Variants in SDCBP observed in about 807,000 individuals in gnomAD.
The protein encoded by SDCBP is syndecan binding protein.
In SDCBP, 22 loss-of-function variants were observed where a neutral mutation model predicts 30.5. That is an observed-to-expected ratio of 0.72 (90% CI 0.52 to 1.03). The LOEUF (loss-of-function observed/expected upper bound fraction) is 1.03, where lower values mean the gene tolerates loss of function less well. Ranked by LOEUF, SDCBP falls within the 50% of genes least tolerant of loss-of-function variation. The pLI is 0.00. For synonymous variants in SDCBP, 103 were observed against 118.7 expected, an observed-to-expected ratio of 0.87 and a Z score of 0.86; for missense variants, 304 against 369.9, an observed-to-expected ratio of 0.82 and a Z score of 1.46.
Position 58,561,730 on chromosome 8 carries a change from A to G in SDCBP, c.-15-3289A>G, listed in dbSNP as rs940612897. The G allele has an allele frequency of 7.3e-6, 5 of 680,668 alleles. 1 individual carries two copies. Among genetic ancestry groups the G allele is most frequent in the South Asian group, 6.3e-5 (4 of 63,218 alleles). 42.2% of individuals were successfully genotyped at this position (680,668 alleles called of 1,614,324 possible). On this transcript the variant is annotated intron_variant, in intron 1 of 8. Coordinates refer to ENST00000260130, the MANE Select transcript of SDCBP (RefSeq NM_005625.4). ...AAATGGAAACAAAAGTATGTTCAAC[A>G]TGAAAGTATAAAATTAAATGATAAA...
Position 58,578,211 on chromosome 8 carries a change from A to C in SDCBP, c.578+3A>C. ...ATTACCATGACCATTCGTGACAGGT[A>C]AGCTGTTACTAAACAGCTCAAATGA... On this transcript the variant is annotated splice_donor_region_variant and intron_variant, in intron 6 of 8. Coordinates refer to ENST00000260130, the MANE Select transcript of SDCBP (RefSeq NM_005625.4). 5.2e-6 allele frequency: 8 copies of C among 1,535,954 alleles called. No homozygotes were observed. The highest frequency in any genetic ancestry group is 7.0e-6 in the Non-Finnish European group (8 of 1,145,592).
chr8:58,580,808 C>T (rs1173012858), intron 8 of SDCBP, among the ~76,000 whole-genome samples, 200 bp downstream of exon 8: 1 of 152,154 alleles, frequency 6.6e-6, no homozygotes, highest in Non-Finnish European at 1.5e-5. Flanking sequence ...ATAAAATTCA[C>T]ATATACTTTC....
intron 2 of SDCBP, among the ~76,000 whole-genome samples, chr8:58,567,597 C>G (rs564217569): frequency 6.6e-6 from 1 of 152,202 alleles, no homozygotes; most frequent in East Asian, 1.9e-4. Flanking sequence ...TGTATAGTGA[C>G]GTGTATATAG....
chr8:58,581,782 T>C lies in SDCBP; in HGVS notation c.*42T>C. On this transcript the variant is annotated 3_prime_UTR_variant, in exon 9 of 9. Coordinates refer to ENST00000260130, the MANE Select transcript of SDCBP (RefSeq NM_005625.4). ...GAAATGTAGCTGAACGTCTCCAGTT[T>C]CCTTCTTTGGCAACTTCTGTATTAT... is the stretch of plus-strand genomic sequence containing the variant. The C allele has an allele frequency of 6.4e-7, 1 of 1,564,854 alleles. No homozygotes were observed. Among genetic ancestry groups the C allele is most frequent in the Non-Finnish European group, 8.8e-7 (1 of 1,136,836 alleles).
chr8:58,558,071 T>G (rs938586400), intron 1 of SDCBP, among the ~76,000 whole-genome samples: 1 of 152,198 alleles, frequency 6.6e-6, no homozygotes, highest in Non-Finnish European at 1.5e-5. Context: ...GTCAAAGATT[T>G]AAATATAATG....
In SDCBP at chr8:58,582,510, C is replaced by T. The variant is rs550197473; in HGVS notation, c.*770C>T. ...TGTTTTTGAGATTTTTTAGTCAACA[C>T]ATAATGGAAACTTCTTTCTTCTAAA... On this transcript the variant is annotated 3_prime_UTR_variant, in exon 9 of 9. Coordinates refer to ENST00000260130, the MANE Select transcript of SDCBP (RefSeq NM_005625.4). 1.6e-4 allele frequency: 24 copies of T among 152,718 alleles called. No individual in the cohort carries two copies. The highest frequency in any genetic ancestry group is 8.5e-4 in the Admixed American group (13 of 15,292). 9.5% of individuals were successfully genotyped at this position (152,718 alleles called of 1,614,324 possible). A position where few individuals can be genotyped will look rare whatever the true frequency, so the allele number is the denominator to read the frequency against.
intron 4 of SDCBP, among the ~76,000 whole-genome samples, chr8:58,572,637 T>G (rs922709822): frequency 2.0e-5 from 3 of 152,074 alleles, no homozygotes; most frequent in Non-Finnish European, 4.4e-5. Context: ...TCCATTCTAG[T>G]CCTACTATAA....
At chr8:58,555,437 G>T (rs1405531063) in intron 1 of SDCBP, among the ~76,000 whole-genome samples, 1 of 152,168 alleles carries the variant, frequency 6.6e-6, no homozygotes, top group Non-Finnish European at 1.5e-5. Context: ...AATCCTATGG[G>T]TAAGGATTAA....
chr8:58,568,458 TTTACAG>T (rs1250208518), intron 2 of SDCBP, among the ~76,000 whole-genome samples: 2 of 152,146 alleles, frequency 1.3e-5, no homozygotes, highest in African/African-American at 4.8e-5. Context: ...CTGAGACTGT[TTTACAG>T]TTAACTTTTT....
chr8:58,563,249 T>A (rs1294618662), intron 1 of SDCBP, among the ~76,000 whole-genome samples: 1 of 152,198 alleles, frequency 6.6e-6, no homozygotes, highest in East Asian at 1.9e-4. Flanking sequence ...ATTATTCTGC[T>A]ATGAAAATGA....
intron 2 of SDCBP, among the ~76,000 whole-genome samples, chr8:58,569,652 T>C (rs1190838126): frequency 6.6e-6 from 1 of 152,154 alleles, no homozygotes; most frequent in East Asian, 1.9e-4. Context: ...GTTCTTTTTT[T>C]TTTCCCAGTG....
Position 58,579,652 on chromosome 8 carries a change from A to G in SDCBP, c.608A>G (p.Lys203Arg), listed in dbSNP as rs922468323. The change falls in exon 7 of 9, where the codon AAG (lysine) becomes AGG (arginine). Residue 203 changes from lysine to arginine, a missense_variant. Physicochemically the swap from Lys to Arg is conservative, Grantham distance 26 (BLOSUM62 2). Transcript: ENST00000260130. The stretch of plus-strand genomic sequence containing the variant: ...TTTGAACGGACGATTACCATGCATA[A>G]GGATAGCACTGGACATGTTGGTTTT... Reference protein sequence around the residue: ...RPFERTITMHKDSTGHVGFIF... With the variant: ...RPFERTITMHRDSTGHVGFIF... 6.3e-7 allele frequency: 1 copy of G among 1,595,400 alleles called. No homozygotes were observed. Among genetic ancestry groups the G allele is most frequent in the African/African-American group, 1.3e-5 (1 of 74,326 alleles).
chr8:58,569,161 G>T (rs997195806), intron 2 of SDCBP, among the ~76,000 whole-genome samples: 1 of 151,150 alleles, frequency 6.6e-6, no homozygotes, highest in Non-Finnish European at 1.5e-5. Context: ...CCCTGCCTCA[G>T]CCTCCCGGGT....
chr8:58,558,719 T>C (rs1051780823), intron 1 of SDCBP, among the ~76,000 whole-genome samples: 5 of 152,172 alleles, frequency 3.3e-5, no homozygotes, highest in Non-Finnish European at 7.4e-5. Flanking sequence ...GAGCAAATAA[T>C]ATCCAACTGA....
chr8:58,558,791 G>T (rs1804288275), intron 1 of SDCBP, among the ~76,000 whole-genome samples: 1 of 152,158 alleles, frequency 6.6e-6, no homozygotes, highest in South Asian at 2.1e-4. Context: ...GGCTAACTAG[G>T]ATTTTGATTG....
chr8:58,572,062 G>C, intron 3 of SDCBP, 143 bp from the exon 4 acceptor site: 1 of 574,896 alleles, frequency 1.7e-6, no homozygotes, highest in East Asian at 2.8e-5. Flanking sequence ...ATGGGGAGAT[G>C]CCTTTCCAAA....
intron 2 of SDCBP, among the ~76,000 whole-genome samples, chr8:58,570,483 T>G (rs1804952747): frequency 6.6e-6 from 1 of 151,144 alleles, no homozygotes; most frequent in Non-Finnish European, 1.5e-5. Context: ...ATGTGACTTT[T>G]ATATGAATAT....
chr8:58,557,024 ATAT>A (rs1285027983), intron 1 of SDCBP, among the ~76,000 whole-genome samples: 2 of 129,992 alleles, frequency 1.5e-5, no homozygotes, highest in Non-Finnish European at 3.1e-5. Context: ...CTTATATACT[ATAT>A]TATAAGTATA....
In SDCBP at chr8:58,582,378, T is replaced by C. The variant is rs1805741583; in HGVS notation, c.*638T>C. The C allele has an allele frequency of 6.5e-6, 1 of 152,720 alleles. No homozygotes were observed. Among genetic ancestry groups the C allele is most frequent in the Non-Finnish European group, 1.5e-5 (1 of 68,116 alleles). The allele number at this position is 152,720 out of a possible 1,614,324, so 9.5% of individuals were successfully genotyped here. On this transcript the variant is annotated 3_prime_UTR_variant, in exon 9 of 9. Transcript: ENST00000260130. ...TAGACTAAAAGCCAAAATATAATTA[T>C]TGCTGCCTTTCTAAAAACCCAAAAT...
Sources: allele counts gnomAD v4.1 joint callset (sites outside exome capture counted in the v4.1 genomes callset), GRCh38; gene constraint gnomAD v4.1.1; transcripts MANE v1.5; gene names NCBI Gene and HGNC (gene_info 2026-07-23, HGNC 2026-07-21).